Variants in DNER observed in about 807,000 individuals in gnomAD.
DNER encodes the protein delta/notch like EGF repeat containing.
In DNER, 33 loss-of-function variants were observed where a neutral mutation model predicts 78.2. The observed-to-expected ratio is 0.42, with a 90% CI of 0.32 to 0.56. DNER has a LOEUF of 0.56. Ranked by LOEUF, DNER falls within the 20% of genes least tolerant of loss-of-function variation. DNER has a pLI of 0.11. For missense variants in DNER, 918 were observed against 975.3 expected (o/e 0.94, Z 0.78); for synonymous variants, 417 against 384.8 (o/e 1.08, Z -0.98).
chr2:229,436,690 C>A (rs1694125132), intron 8 of DNER, among the ~76,000 whole-genome samples: 1 of 152,110 alleles, frequency 6.6e-6, no homozygotes, highest in Non-Finnish European at 1.5e-5. Context: ...CCATGTCCAG[C>A]CAATCTAAGC....
At chr2:229,485,429 G>C (rs1472963386) in intron 6 of DNER, among the ~76,000 whole-genome samples, 2 of 152,108 alleles carry the variant, frequency 1.3e-5, no homozygotes, top group African/African-American at 2.4e-5. Context: ...ATATAGGCTT[G>C]GAGTGTTTGA....
chr2:229,682,241 G>A (rs935980468), intron 1 of DNER, among the ~76,000 whole-genome samples: 1 of 152,188 alleles, frequency 6.6e-6, no homozygotes, highest in Admixed American at 6.5e-5. Flanking sequence ...AAATTCAGCA[G>A]ACGATAGGCT....
chr2:229,367,086 C>T lies in DNER; in HGVS notation c.1889G>A (p.Ser630Asn), dbSNP rs1692367479. The change falls in exon 12 of 13, where the codon AGC (serine) becomes AAC (asparagine). Residue 630 changes from serine (S) to asparagine (N), a missense_variant. Transcript: ENST00000341772. ...GGAGTGCCGTGGCATGTTGGTGAGG[C>T]TCTCCGCCATGTGCCCGGACTTCCA... is the stretch of plus-strand genomic sequence containing the variant. ...LQWKSGHMAE[S>N]LTNMPRHSLY... is the part of the protein sequence containing the mutation. 6.2e-7 allele frequency: 1 copy of T among 1,614,098 alleles called. No homozygotes were observed. Among genetic ancestry groups the T allele is most frequent in the East Asian group, 2.2e-5 (1 of 44,866 alleles).
intron 1 of DNER, among the ~76,000 whole-genome samples, chr2:229,614,542 G>A (rs998643332): frequency 2.1e-4 from 32 of 152,192 alleles, no homozygotes; most frequent in African/African-American, 4.6e-4. Flanking sequence ...CCTACAGGAC[G>A]TTTTTATTAA....
chr2:229,362,153 G>T (rs903912531), intron 12 of DNER, among the ~76,000 whole-genome samples: 1 of 152,222 alleles, frequency 6.6e-6, no homozygotes, highest in Non-Finnish European at 1.5e-5. Context: ...GAGGGGTGAT[G>T]CATCCATTGT....
chr2:229,548,033 A>C (rs577401752), intron 4 of DNER, among the ~76,000 whole-genome samples: 1 of 152,348 alleles, frequency 6.6e-6, no homozygotes, highest in South Asian at 2.1e-4. Flanking sequence ...ATGATTTTAA[A>C]AAGTTTCCTC....
intron 6 of DNER, among the ~76,000 whole-genome samples, chr2:229,490,536 G>T (rs1695377504): frequency 6.6e-6 from 1 of 152,076 alleles, no homozygotes; most frequent in Admixed American, 6.5e-5. Flanking sequence ...ATAAATCTAT[G>T]GAGACAGAAT....
intron 6 of DNER, among the ~76,000 whole-genome samples, chr2:229,507,632 C>T (rs62192052): frequency 0.011 from 1,668 of 152,048 alleles, 19 homozygotes; most frequent in Non-Finnish European, 0.014. Context: ...AATAGGGACA[C>T]GTTATAAAGT....
chr2:229,578,284 C>A (rs756814973), intron 4 of DNER, among the ~76,000 whole-genome samples: 1 of 152,170 alleles, frequency 6.6e-6, no homozygotes, highest in African/African-American at 2.4e-5. Flanking sequence ...GAGCCAGGTC[C>A]CAGCTGCTCC....
intron 7 of DNER, among the ~76,000 whole-genome samples, chr2:229,463,468 T>C (rs1477797755): frequency 6.6e-6 from 1 of 152,026 alleles, no homozygotes; most frequent in African/African-American, 2.4e-5. Context: ...TGTGATGGGG[T>C]CTCGCTTTGT....
intron 6 of DNER, among the ~76,000 whole-genome samples, chr2:229,512,031 C>T (rs566664455): frequency 1.2e-4 from 18 of 152,182 alleles, no homozygotes; most frequent in Non-Finnish European, 1.9e-4. Context: ...CATCAATCAA[C>T]GAGTGGATAA....
At chr2:229,549,809 G>T (rs1016014662) in intron 4 of DNER, among the ~76,000 whole-genome samples, 2 of 151,788 alleles carry the variant, frequency 1.3e-5, no homozygotes, top group Admixed American at 6.6e-5. Flanking sequence ...TACTCGAGAG[G>T]CTGAGGCAGA....
chr2:229,385,094 T>C (rs1269437577), intron 11 of DNER, among the ~76,000 whole-genome samples: 2 of 136,458 alleles, frequency 1.5e-5, no homozygotes, highest in Non-Finnish European at 3.1e-5. Flanking sequence ...AGAGCGAGAC[T>C]CCATCTAAAA....
intron 11 of DNER, among the ~76,000 whole-genome samples, chr2:229,368,203 A>G (rs1296669235): frequency 3.9e-5 from 6 of 152,202 alleles, no homozygotes; most frequent in African/African-American, 1.4e-4. Context: ...TCTCTACAAA[A>G]AATACAAAAA....
intron 4 of DNER, among the ~76,000 whole-genome samples, chr2:229,560,797 C>T (rs1696943730): frequency 1.3e-5 from 2 of 152,190 alleles, no homozygotes; most frequent in Non-Finnish European, 2.9e-5. Context: ...GGCTTACTAA[C>T]ATACCTCAGC....
At chr2:229,399,003 T>A (rs550370326) in intron 10 of DNER, among the ~76,000 whole-genome samples, 1 of 152,128 alleles carries the variant, frequency 6.6e-6, no homozygotes, top group Admixed American at 6.5e-5. Flanking sequence ...GCTTTTCCCC[T>A]AATGTTGAAA....
intron 11 of DNER, among the ~76,000 whole-genome samples, chr2:229,382,882 C>T (rs781133444): frequency 2.6e-5 from 4 of 152,134 alleles, no homozygotes; most frequent in Admixed American, 2.0e-4. Context: ...CCTAGCAAGA[C>T]AGGCCAACAT....
At chr2:229,375,289 C>A (rs888935020) in intron 11 of DNER, among the ~76,000 whole-genome samples, 7 of 152,124 alleles carry the variant, frequency 4.6e-5, no homozygotes, top group Admixed American at 1.3e-4. Context: ...AGTCACTGAA[C>A]AATATTGGTT....
intron 6 of DNER, among the ~76,000 whole-genome samples, chr2:229,498,794 C>G (rs1446239062): frequency 6.6e-6 from 1 of 152,122 alleles, no homozygotes; most frequent in Non-Finnish European, 1.5e-5. Flanking sequence ...TTCCTGTGTT[C>G]ATGGATGGGA....
Sources: gnomAD v4.1 joint callset for allele counts (sites outside exome capture counted in the v4.1 genomes callset) on GRCh38, gnomAD v4.1.1 for gene constraint, MANE v1.5 for transcripts, NCBI Gene and HGNC (gene_info 2026-07-23, HGNC 2026-07-21) for gene names.